Variants in ATG4A observed in about 807,000 individuals in gnomAD.
ATG4A encodes the protein autophagy related 4A cysteine peptidase.
In ATG4A, 22 loss-of-function variants were observed where a neutral mutation model predicts 38.4. The observed-to-expected ratio is 0.57, with a 90% CI of 0.41 to 0.82. The LOEUF (loss-of-function observed/expected upper bound fraction) is 0.82, where lower values mean the gene tolerates loss of function less well. Among genes scored for constraint, ATG4A ranks in the 40% least tolerant of loss-of-function variants. The pLI is 0.00. For synonymous variants in ATG4A, 86 were observed against 100.7 expected (o/e 0.85, Z 0.88); for missense variants, 220 against 290.0 (o/e 0.76, Z 1.75).
chrX:108,117,229 C>T (rs977567783), intron 1 of ATG4A, among the ~76,000 whole-genome samples: 8 of 110,772 alleles, frequency 7.2e-5, no homozygotes, highest in African/African-American at 2.6e-4. Flanking sequence ...TATTGCAAGG[C>T]ACTATGACCA....
At chrX:108,140,957 CATATATACACATATATACACAT>C (rs1218865101) in intron 9 of ATG4A, among the ~76,000 whole-genome samples, 2 of 85,503 alleles carry the variant, frequency 2.3e-5, no homozygotes, top group Non-Finnish European at 4.3e-5. Flanking sequence ...CACATATATA[CATATATACACATATATACACAT>C]ATATATACGT....
Position 108,091,790 on chromosome X carries a change from G to A in ATG4A, c.-37G>A, listed in dbSNP as rs1240824566. 3 of 1,208,541 alleles carry A rather than the reference G, an allele frequency of 2.5e-6. No homozygotes were observed. The highest frequency in any genetic ancestry group is 1.7e-5 in the African/African-American group (1 of 57,144). The stretch of plus-strand genomic sequence containing the variant: ...CTAGCGACCGTCCGTCCGTAGTCAA[G>A]TTGCCGGTGGAATTGGCCCAGGATG... On this transcript the variant is annotated 5_prime_UTR_variant, in exon 1 of 13. Coordinates refer to ENST00000372232, the MANE Select transcript of ATG4A (RefSeq NM_052936.5).
upstream of ATG4A, chrX:108,091,663 C>T: frequency 2.2e-6 from 2 of 914,814 alleles, no homozygotes; most frequent in South Asian, 4.2e-5. Flanking sequence ...CGCGCGGCGC[C>T]TCTGGGAGTT....
intron 1 of ATG4A, among the ~76,000 whole-genome samples, chrX:108,118,920 C>T (rs899781964): frequency 1.8e-5 from 2 of 111,986 alleles, no homozygotes; most frequent in East Asian, 2.8e-4. Flanking sequence ...ATCTTTAATT[C>T]GATTATGATA....
chrX:108,153,360 A>G (rs2033634299), intron 12 of ATG4A, among the ~76,000 whole-genome samples: 1 of 112,522 alleles, frequency 8.9e-6, no homozygotes, highest in Admixed American at 9.4e-5. Context: ...GGTTCAGAAT[A>G]GCAAATTGAG....
chrX:108,109,363 T>C (rs1347854967), intron 1 of ATG4A, among the ~76,000 whole-genome samples: 2 of 112,344 alleles, frequency 1.8e-5, no homozygotes, highest in Non-Finnish European at 3.8e-5. Flanking sequence ...TCTTTATATA[T>C]TCTGGATATT....
At chrX:108,152,910 G>A in intron 11 of ATG4A, 69 bp from the exon 12 acceptor site, 1 of 825,335 alleles carries the variant, frequency 1.2e-6, no homozygotes. Flanking sequence ...TCAGGGTTTG[G>A]GGTCAAAGAT....
intron 1 of ATG4A, among the ~76,000 whole-genome samples, chrX:108,105,873 G>A (rs113475911): frequency 1.8e-5 from 2 of 111,671 alleles, no homozygotes; most frequent in African/African-American, 6.5e-5. Flanking sequence ...GCTGAGCTGT[G>A]CCAGCTTGGG....
At chrX:108,135,288 G>A (rs139699024) in intron 6 of ATG4A, among the ~76,000 whole-genome samples, 9 of 112,341 alleles carry the variant, frequency 8.0e-5, no homozygotes, top group Non-Finnish European at 1.7e-4. Flanking sequence ...GAAAATGGCC[G>A]CCAGAATCTG....
chrX:108,104,151 T>C (rs1382620821), intron 1 of ATG4A, among the ~76,000 whole-genome samples: 1 of 112,651 alleles, frequency 8.9e-6, no homozygotes, highest in East Asian at 2.8e-4. Context: ...TATACTTTTG[T>C]TTTTTAACTT....
rs1255580544 is a variant in ATG4A at position 108,132,099 on chromosome X, A to G, written c.292+741A>G. Reference sequence around the variant, plus strand: ...TTTTTAGTAGAGATGGTGTTTTGCCATGTTGGCCAGGCTGATCTCGAACTC... The same window carrying G: ...TTTTTAGTAGAGATGGTGTTTTGCCGTGTTGGCCAGGCTGATCTCGAACTC... On this transcript the variant is annotated intron_variant, in intron 4 of 12. Transcript: ENST00000372232. Among the ~76,000 whole-genome samples the G allele has an allele frequency of 2.7e-5, 3 of 111,411 alleles. No homozygotes were observed. The East Asian group carries it at 8.5e-4, about 32-fold the overall frequency.
At chrX:108,131,787 G>A (rs1289079483) in intron 4 of ATG4A, among the ~76,000 whole-genome samples, 1 of 112,233 alleles carries the variant, frequency 8.9e-6, no homozygotes, top group Non-Finnish European at 1.9e-5. Flanking sequence ...GAGGGAGCTG[G>A]CGCTATTTTG....
rs762193466 is a variant in ATG4A, at chrX:108,121,101, G to T, written c.11-4976G>T. ...CCAATCTTCTGTTTTCTAAGTTCTT[G>T]GTTGTCAGAAAAGCAGGTCACAGGG... On this transcript the variant is annotated intron_variant, in intron 1 of 12. Transcript: ENST00000372232. 3.6e-5 allele frequency among the ~76,000 whole-genome samples: 4 copies of T among 111,800 alleles called. No homozygotes were observed. In the South Asian group the frequency reaches 1.5e-3, roughly 42 times the overall value.
rs957535925 is a variant in ATG4A, at chrX:108,131,346, C to A, written c.280C>A (p.His94Asn). 2.5e-6 allele frequency: 3 copies of A among 1,209,266 alleles called. No homozygotes were observed. The highest frequency in any genetic ancestry group is 4.4e-5 in the Admixed American group (2 of 45,795). The change falls in exon 4 of 13, where the codon CAC (histidine) becomes AAC (asparagine). Residue 94 changes from histidine to asparagine, a missense_variant. His to Asn is a moderately conservative substitution (Grantham distance 68). This residue lies in a region of ATG4A where 61 missense variants were observed against 83.3 expected (regional missense o/e 0.73). Coordinates refer to ENST00000372232, the MANE Select transcript of ATG4A (RefSeq NM_052936.5). ...MMLAQALICRHLGRDWSWEKQ... is the reference protein window; with the variant it reads ...MMLAQALICRNLGRDWSWEKQ... ...GCTGGCTCAAGCCCTTATCTGTAGA[C>A]ACTTGGGAAGGGGTGAGTTAAATTT...
chrX:108,146,202 C>G (rs1240410911), intron 9 of ATG4A, among the ~76,000 whole-genome samples: 1 of 111,854 alleles, frequency 8.9e-6, no homozygotes, highest in African/African-American at 3.3e-5. Context: ...TGGCTCAAGT[C>G]TGGAAATTGA....
chrX:108,103,592 A>AT (rs962147621), intron 1 of ATG4A, among the ~76,000 whole-genome samples: 2 of 108,475 alleles, frequency 1.8e-5, no homozygotes, highest in Non-Finnish European at 3.8e-5. Flanking sequence ...GGTTTCATTG[A>AT]TTTTTTTGTA....
intron 1 of ATG4A, among the ~76,000 whole-genome samples, chrX:108,106,087 C>T (rs1602617457): frequency 9.0e-6 from 1 of 111,275 alleles, no homozygotes; most frequent in African/African-American, 3.3e-5. Context: ...CCATCTTGCT[C>T]CTATGTCACA....
intron 9 of ATG4A, chrX:108,143,734 G>A: frequency 4.2e-6 from 1 of 239,075 alleles, no homozygotes; most frequent in Non-Finnish European, 7.9e-6. Flanking sequence ...AATGTCGGGG[G>A]AACAGGAAGC....
At chrX:108,148,215 A>G (rs1287139548) in intron 9 of ATG4A, among the ~76,000 whole-genome samples, 1 of 107,190 alleles carries the variant, frequency 9.3e-6, no homozygotes, top group Non-Finnish European at 1.9e-5. Context: ...AGCATCCAGC[A>G]TGGGAGAAAG....
Sources: gnomAD v4.1 joint callset for allele counts (sites outside exome capture counted in the v4.1 genomes callset) on GRCh38, gnomAD v4.1.1 for gene constraint, gnomAD v4.1.1 regional missense constraint, MANE v1.5 for transcripts, NCBI Gene and HGNC (gene_info 2026-07-23, HGNC 2026-07-21) for gene names.